TET1: variants seen among roughly 807,000 people sequenced by gnomAD.
TET1 encodes the protein tet methylcytosine dioxygenase 1.
TET1 carries 13 observed loss-of-function variants against 148.7 expected under a neutral mutation model. The ratio of observed to expected loss-of-function variants is 0.09; its 90% CI spans 0.06 to 0.14. The LOEUF is 0.14. TET1 is among the 10% of genes least tolerant of loss of function. TET1 has a pLI of 1.00. For missense variants in TET1, 2,182 were observed against 2,553.8 expected, an observed-to-expected ratio of 0.85 and a Z score of 3.14; for synonymous variants, 907 against 937.2, an observed-to-expected ratio of 0.97 and a Z score of 0.59.
At chr10:68,563,209 T>A (rs1223759002) in intron 1 of TET1, among the ~76,000 whole-genome samples, 1 of 152,100 alleles carries the variant, frequency 6.6e-6, no homozygotes, top group African/African-American at 2.4e-5. Flanking sequence ...GAAGGAGCCA[T>A]TGACTAAATG....
intron 3 of TET1, among the ~76,000 whole-genome samples, chr10:68,640,347 T>G (rs1401262625): frequency 6.6e-6 from 1 of 151,502 alleles, no homozygotes; most frequent in Non-Finnish European, 1.5e-5. Flanking sequence ...CACTGCAACC[T>G]CTGCCCGCCA....
intron 4 of TET1, among the ~76,000 whole-genome samples, chr10:68,649,605 C>CAA (rs557761071): frequency 0.012 from 959 of 80,184 alleles, 33 homozygotes; most frequent in African/African-American, 0.033. Context: ...GACTCTGTCT[C>CAA]AAAAAAAAAA....
chr10:68,570,297 G>A (rs1021103488), intron 1 of TET1, among the ~76,000 whole-genome samples: 3 of 151,992 alleles, frequency 2.0e-5, no homozygotes, highest in African/African-American at 7.2e-5. Context: ...TAGAGACGGG[G>A]TTTCACCATG....
chr10:68,662,519 CT>C (rs11406942), intron 6 of TET1, among the ~76,000 whole-genome samples: 3 of 151,578 alleles, frequency 2.0e-5, no homozygotes, highest in Admixed American at 6.6e-5. Flanking sequence ...TCTTCATAGC[CT>C]TTTTTTAGGT....
intron 2 of TET1, among the ~76,000 whole-genome samples, 171 bp from the exon 3 acceptor site, chr10:68,600,810 A>T (rs1260105060): frequency 6.6e-6 from 1 of 152,186 alleles, no homozygotes; most frequent in Non-Finnish European, 1.5e-5. Flanking sequence ...TTTTTTAGTG[A>T]CTTTTAAAGT....
intron 3 of TET1, among the ~76,000 whole-genome samples, chr10:68,633,473 C>T (rs1258465557): frequency 6.6e-6 from 1 of 152,072 alleles, no homozygotes; most frequent in Non-Finnish European, 1.5e-5. Context: ...CTCTGCCTCC[C>T]AGACTCCAGT....
At chr10:68,565,246 G>A (rs2053593469) in intron 1 of TET1, among the ~76,000 whole-genome samples, 1 of 151,952 alleles carries the variant, frequency 6.6e-6, no homozygotes, top group African/African-American at 2.4e-5. Flanking sequence ...AGAGGCTCAG[G>A]AGGGCAGATG....
In TET1 at chr10:68,643,769, C is replaced by T. The variant is rs2054796475; in HGVS notation, c.1969-929C>T. ...CAGAGGTTGCAGTGATCTGAGATCA[C>T]ACAACTGCACTCCAGCCTGGGCAAC... On this transcript the variant is annotated intron_variant, in intron 3 of 11. Coordinates refer to ENST00000373644, the MANE Select transcript of TET1 (RefSeq NM_030625.3). Among the ~76,000 whole-genome samples the T allele has an allele frequency of 2.7e-5, 4 of 150,756 alleles. 1 individual carries two copies. Among genetic ancestry groups the T allele is most frequent in the Admixed American group, 2.0e-4 (3 of 15,144 alleles).
At chr10:68,656,967 C>A (rs905054015) in intron 6 of TET1, among the ~76,000 whole-genome samples, 1 of 150,786 alleles carries the variant, frequency 6.6e-6, no homozygotes, top group East Asian at 2.0e-4. Context: ...CGGAGGTTGC[C>A]GTCAGCCAAG....
At chr10:68,596,027 C>CACACACACACACACAT (rs71470531) in intron 2 of TET1, among the ~76,000 whole-genome samples, 1 of 61,734 alleles carries the variant, frequency 1.6e-5, no homozygotes, top group Non-Finnish European at 2.9e-5. Flanking sequence ...CACACACACA[C>CACACACACACACACAT]ATATATATAT....
chr10:68,622,209 CCTT>C (rs2054384483), intron 3 of TET1, among the ~76,000 whole-genome samples: 2 of 128,166 alleles, frequency 1.6e-5, no homozygotes, highest in Non-Finnish European at 1.7e-5. Context: ...TTCCTTCCTT[CCTT>C]CCTTCCTTCC....
At chr10:68,597,311 G>A (rs908410018) in intron 2 of TET1, among the ~76,000 whole-genome samples, 4 of 152,080 alleles carry the variant, frequency 2.6e-5, no homozygotes, top group African/African-American at 9.7e-5. Context: ...TAGGATTACA[G>A]GCGTGAGCTA....
intron 2 of TET1, among the ~76,000 whole-genome samples, chr10:68,595,020 C>G (rs1159532963): frequency 6.7e-6 from 1 of 149,698 alleles, no homozygotes; most frequent in East Asian, 2.0e-4. Context: ...AAAAAATTAG[C>G]TTGTTGTGGT....
intron 11 of TET1, among the ~76,000 whole-genome samples, chr10:68,690,477 A>G (rs1038111303): frequency 6.6e-5 from 10 of 152,124 alleles, no homozygotes; most frequent in Middle Eastern, 3.2e-3. Flanking sequence ...GCGTGGTGGC[A>G]GGCGCCTGTA....
intron 3 of TET1, among the ~76,000 whole-genome samples, chr10:68,634,892 G>A (rs34530460): frequency 0.13 from 20,471 of 152,014 alleles, 1,784 homozygotes; most frequent in South Asian, 0.24. Flanking sequence ...CTCCTGTGTA[G>A]CTGAGATTAC....
Position 68,667,244 on chromosome 10 carries a change from C to G in TET1, c.4661C>G (p.Thr1554Ser). ...GGGCACCCTACCGACAGAAGATGCA[C>G]CCTCAATGAAAAGTAATTAAATCTG... is the stretch of plus-strand genomic sequence containing the variant. ...YNGHPTDRRC[T>S]LNENRTCTCQ... The change falls in exon 7 of 12, where the codon ACC (threonine) becomes AGC (serine). Residue 1554 changes from threonine to serine, a missense_variant. Around this residue, in one of 11 missense-constraint regions of TET1, gnomAD observed 169 missense variants for 263.7 expected, o/e 0.64. Coordinates refer to ENST00000373644, the MANE Select transcript of TET1 (RefSeq NM_030625.3). 1 of 1,612,402 alleles carries G rather than the reference C, an allele frequency of 6.2e-7. No individual in the cohort carries two copies.
intron 4 of TET1, among the ~76,000 whole-genome samples, chr10:68,648,048 A>G (rs1474156378): frequency 6.6e-6 from 1 of 152,190 alleles, no homozygotes. Flanking sequence ...CTGATTTCCT[A>G]TTTCAAAAAA....
At chr10:68,608,797 A>G (rs12253151) in intron 3 of TET1, among the ~76,000 whole-genome samples, 2,127 of 152,140 alleles carry the variant, frequency 0.014, 55 homozygotes, top group African/African-American at 0.049. Context: ...CAGCCTCCCA[A>G]TGTGTTGGGA....
intron 3 of TET1, among the ~76,000 whole-genome samples, chr10:68,623,729 G>A (rs184980886): frequency 2.0e-5 from 3 of 152,260 alleles, no homozygotes; most frequent in Non-Finnish European, 4.4e-5. Context: ...AGTGTACATC[G>A]AAACAGACCA....
Sources: allele counts gnomAD v4.1 joint callset (sites outside exome capture counted in the v4.1 genomes callset), GRCh38; gene constraint gnomAD v4.1.1; regional missense constraint gnomAD v4.1.1; transcripts MANE v1.5; gene names NCBI Gene and HGNC (gene_info 2026-07-23, HGNC 2026-07-21).